Variants in AFP observed in about 807,000 individuals in gnomAD.
AFP encodes the protein alpha-fetoprotein.
AFP carries 64 observed loss-of-function variants against 78.9 expected under a neutral mutation model. The ratio of observed to expected loss-of-function variants is 0.81; its 90% CI spans 0.66 to 1.00. The LOEUF is 1.00. Ranked by LOEUF, AFP falls within the 50% of genes least tolerant of loss-of-function variation. The probability of loss-of-function intolerance (pLI) is 0.00; values close to 1 mark genes in which losing one functional copy is unlikely to be tolerated. For missense variants in AFP, 689 were observed against 703.8 expected (o/e 0.98, Z 0.24); for synonymous variants, 254 against 243.8 (o/e 1.04, Z -0.39).
Position 73,453,613 on chromosome 4 carries a change from C to T in AFP, c.1653-152C>T. 6.0e-6 allele frequency: 5 copies of T among 838,324 alleles called. 1 individual carries two copies. In the South Asian group the frequency reaches 8.3e-5, roughly 14 times the overall value. 51.9% of individuals were successfully genotyped at this position (838,324 alleles called of 1,614,324 possible). A position where few individuals can be genotyped will look rare whatever the true frequency, so the allele number is the denominator to read the frequency against. On this transcript the variant is annotated intron_variant, in intron 12 of 14. Transcript: ENST00000395792. ...CATGCTTTCAGCCTCAATCTTTCTACTGAAAGTACTAGACAAGGTGTGTGT... is the reference window on the plus strand; with the variant it reads ...CATGCTTTCAGCCTCAATCTTTCTATTGAAAGTACTAGACAAGGTGTGTGT...
chr4:73,448,752 C>T (rs1471302842), intron 8 of AFP, among the ~76,000 whole-genome samples: 1 of 152,102 alleles, frequency 6.6e-6, no homozygotes, highest in African/African-American at 2.4e-5. Context: ...AATGATCTTC[C>T]CCCAGATATT....
intron 10 of AFP, 62 bp downstream of exon 10, chr4:73,450,195 C>T (rs1577958263): frequency 7.9e-7 from 1 of 1,266,520 alleles, no homozygotes; most frequent in East Asian, 2.5e-5. Flanking sequence ...GTAGCCTTCC[C>T]CATTCTCCTC....
intron 8 of AFP, among the ~76,000 whole-genome samples, chr4:73,448,979 A>G (rs1307934958): frequency 6.6e-6 from 1 of 152,074 alleles, no homozygotes; most frequent in Non-Finnish European, 1.5e-5. Flanking sequence ...TGTGCTTTTC[A>G]GAGGGCAGGT....
At chr4:73,436,843 G>A (rs1719523498) in intron 1 of AFP, among the ~76,000 whole-genome samples, 1 of 151,824 alleles carries the variant, frequency 6.6e-6, no homozygotes, top group African/African-American at 2.4e-5. Flanking sequence ...TCAAAAGAAT[G>A]CCTGAAATAT....
chr4:73,446,034 G>A (rs1251264758), intron 7 of AFP, among the ~76,000 whole-genome samples: 1 of 152,122 alleles, frequency 6.6e-6, no homozygotes, highest in African/African-American at 2.4e-5. Context: ...GTTTCCAGAA[G>A]GCTGAAAGTG....
At chr4:73,449,300 C>T (rs780662719) in intron 8 of AFP, 35 bp from the exon 9 acceptor site, 1 of 1,595,974 alleles carries the variant, frequency 6.3e-7, no homozygotes, top group East Asian at 2.2e-5. Context: ...CTCTTAGTTC[C>T]AATAACTTGA....
intron 3 of AFP, among the ~76,000 whole-genome samples, chr4:73,439,583 C>A (rs1021244750): frequency 6.6e-6 from 1 of 152,112 alleles, no homozygotes; most frequent in Non-Finnish European, 1.5e-5. Flanking sequence ...AGAAATCTTA[C>A]GTAAGCCTTC....
At chr4:73,447,413 T>C in intron 7 of AFP, 49 bp from the exon 8 acceptor site, 3 of 1,411,628 alleles carry the variant, frequency 2.1e-6, no homozygotes, top group Non-Finnish European at 2.9e-6. Flanking sequence ...TGAGATCCTT[T>C]ATTAAAGAAT....
intron 12 of AFP, 21 bp from the exon 13 acceptor site, chr4:73,453,739 GTATTT>G: frequency 6.2e-7 from 1 of 1,611,108 alleles, no homozygotes; most frequent in Non-Finnish European, 8.5e-7. Flanking sequence ...GACTTCTCTT[GTATTT>G]TGTTTTGTTT....
chr4:73,451,337 G>A (rs1347844759), intron 11 of AFP, among the ~76,000 whole-genome samples: 2 of 152,088 alleles, frequency 1.3e-5, no homozygotes, highest in African/African-American at 4.8e-5. Flanking sequence ...AATGTCACTA[G>A]TATCATACAT....
chr4:73,447,582 A>G lies in AFP; in HGVS notation c.964A>G (p.Lys322Glu), dbSNP rs1190789872. The G allele has an allele frequency of 1.6e-5, 25 of 1,612,516 alleles. No individual in the cohort carries two copies. In the Admixed American group the frequency reaches 3.5e-4, roughly 23 times the overall value. ...QCIIHAENDE[K>E]PEGLSPNLNR... ...TATAATTCATGCAGAAAATGATGAA[A>G]AACCTGAAGGTCTATCTCCAAATCT... is the stretch of plus-strand genomic sequence containing the variant. The change falls in exon 8 of 15, where the codon AAA (lysine) becomes GAA (glutamate). Residue 322 changes from lysine to glutamate, a missense_variant. Coordinates refer to ENST00000395792, the MANE Select transcript of AFP (RefSeq NM_001134.3).
chr4:73,451,901 CTTA>C (rs1301048058), intron 11 of AFP, among the ~76,000 whole-genome samples: 3 of 152,158 alleles, frequency 2.0e-5, no homozygotes, highest in African/African-American at 7.2e-5. Context: ...TTAGGAAAGT[CTTA>C]AAAACCCACA....
In AFP at chr4:73,450,148, A is replaced by G. The variant is rs1158768814; in HGVS notation, c.1289+15A>G. ...TTACAAAATGCGTATGTTTTTGTAA[A>G]CAGTATTTTTAGTGAATTAAAATTA... On this transcript the variant is annotated intron_variant, in intron 10 of 14. Transcript: ENST00000395792. 6 of 1,572,542 alleles carry G rather than the reference A, an allele frequency of 3.8e-6. No individual in the cohort carries two copies. The highest frequency in any genetic ancestry group is 2.3e-5 in the East Asian group (1 of 44,416).
chr4:73,455,199 A>G (rs575833683), intron 13 of AFP, 37 bp from the exon 14 acceptor site: 1 of 1,503,946 alleles, frequency 6.6e-7, no homozygotes, highest in South Asian at 1.1e-5. Flanking sequence ...ATAATAATCC[A>G]TTTCTTTATC....
At position 73,441,436 on chromosome 4, in the gene AFP, T is replaced by A. The variant is rs376009912; in HGVS notation, c.482+623T>A. On this transcript the variant is annotated intron_variant, in intron 4 of 14. Coordinates refer to ENST00000395792, the MANE Select transcript of AFP (RefSeq NM_001134.3). Reference sequence around the variant, plus strand: ...AAAAAAAATTAGCCGGGCGTGATGGTGGGCGCCTGTAGTCCCAGCTACTCG... The same window carrying A: ...AAAAAAAATTAGCCGGGCGTGATGGAGGGCGCCTGTAGTCCCAGCTACTCG... Among the ~76,000 whole-genome samples, 51 of 150,922 alleles carry A rather than the reference T, an allele frequency of 3.4e-4. 1 individual carries two copies. The South Asian group carries it at 8.0e-3, about 24-fold the overall frequency.
intron 10 of AFP, among the ~76,000 whole-genome samples, chr4:73,450,378 G>A (rs1265786619): frequency 1.3e-5 from 2 of 152,202 alleles, no homozygotes; most frequent in African/African-American, 4.8e-5. Context: ...GAGAATACAA[G>A]TCAGGCTTCC....
chr4:73,446,609 TTA>T (rs1719834011), intron 7 of AFP, among the ~76,000 whole-genome samples: 1 of 145,210 alleles, frequency 6.9e-6, no homozygotes, highest in Non-Finnish European at 1.5e-5. Flanking sequence ...ATTATCATTC[TTA>T]CGGAATTTCT....
At chr4:73,436,498 T>C in intron 1 of AFP, 151 bp downstream of exon 1, 1 of 551,520 alleles carries the variant, frequency 1.8e-6, no homozygotes, top group Non-Finnish European at 3.2e-6. Context: ...AAATGAAAGA[T>C]AAACTTGTAA....
Position 73,449,299 on chromosome 4 carries a change from C to A in AFP, c.1059-36C>A, listed in dbSNP as rs1204890941. 1.9e-6 allele frequency: 3 copies of A among 1,593,034 alleles called. No individual in the cohort carries two copies. The African/African-American group carries it at 4.0e-5, about 21-fold the overall frequency. ...TGATGGCTCCTTTTGTCTCTTAGTT[C>A]CAATAACTTGAAATATTTTTCTCCA... On this transcript the variant is annotated intron_variant, in intron 8 of 14. Transcript: ENST00000395792.
Sources: allele counts gnomAD v4.1 joint callset (sites outside exome capture counted in the v4.1 genomes callset), GRCh38; gene constraint gnomAD v4.1.1; transcripts MANE v1.5; gene names NCBI Gene and HGNC (gene_info 2026-07-23, HGNC 2026-07-21).